Variants in SNTB1 observed in about 807,000 individuals in gnomAD.
SNTB1 encodes syntrophin beta 1.
SNTB1 carries 36 observed loss-of-function variants against 48.9 expected under a neutral mutation model. The observed-to-expected ratio is 0.74, with a 90% CI of 0.56 to 0.97. The LOEUF is 0.97. Ranked by LOEUF, SNTB1 falls within the 50% of genes least tolerant of loss-of-function variation. The pLI is 0.00. For synonymous variants in SNTB1, 299 were observed against 294.6 expected (o/e 1.01, Z -0.15); for missense variants, 786 against 703.4 (o/e 1.12, Z -1.33).
At chr8:120,544,914 T>G (rs1815352017) in intron 5 of SNTB1, among the ~76,000 whole-genome samples, 1 of 151,510 alleles carries the variant, frequency 6.6e-6, no homozygotes, top group Non-Finnish European at 1.5e-5. Context: ...TTCAGGATAA[T>G]TACAAAAAGG....
chr8:120,546,114 C>A (rs1815376597), intron 5 of SNTB1, among the ~76,000 whole-genome samples: 1 of 152,114 alleles, frequency 6.6e-6, no homozygotes, highest in Admixed American at 6.6e-5. Context: ...AAAGAATAGG[C>A]AAGAAAGCAT....
chr8:120,592,186 T>G, intron 3 of SNTB1, among the ~76,000 whole-genome samples: 1 of 140,280 alleles, frequency 7.1e-6, no homozygotes, highest in South Asian at 2.1e-4. Context: ...TAAGCAGAAT[T>G]TTTTTTTTTC....
chr8:120,635,472 G>A (rs539824527), intron 2 of SNTB1: 3 of 152,460 alleles, frequency 2.0e-5, no homozygotes, highest in Admixed American at 2.0e-4. Flanking sequence ...TCTTTTGAAG[G>A]CCTTTTTAAA....
At chr8:120,791,687 C>T (rs189742147) in intron 1 of SNTB1, among the ~76,000 whole-genome samples, 2 of 151,848 alleles carry the variant, frequency 1.3e-5, no homozygotes, top group East Asian at 3.9e-4. Flanking sequence ...CAAATTCCAA[C>T]AAACATGAAA....
At chr8:120,735,417 C>T (rs1006787207) in intron 1 of SNTB1, among the ~76,000 whole-genome samples, 1 of 152,050 alleles carries the variant, frequency 6.6e-6, no homozygotes, top group East Asian at 1.9e-4. Context: ...ATGTTGAAGC[C>T]CTAACCCCCC....
intron 1 of SNTB1, among the ~76,000 whole-genome samples, chr8:120,699,518 T>G (rs1275058798): frequency 1.3e-5 from 2 of 152,130 alleles, no homozygotes; most frequent in Non-Finnish European, 1.5e-5. Context: ...TCCCTTTGCT[T>G]TCCACCATGA....
chr8:120,570,092 C>T (rs1409591771), intron 4 of SNTB1, among the ~76,000 whole-genome samples: 1 of 152,160 alleles, frequency 6.6e-6, no homozygotes, highest in Non-Finnish European at 1.5e-5. Context: ...TTCTCAGTCT[C>T]CTCATCTTAC....
At chr8:120,583,471 C>T (rs1244256581) in intron 3 of SNTB1, among the ~76,000 whole-genome samples, 1 of 151,062 alleles carries the variant, frequency 6.6e-6, no homozygotes, top group Non-Finnish European at 1.5e-5. Context: ...AAAATCGAGA[C>T]ACTTCACTCC....
intron 1 of SNTB1, among the ~76,000 whole-genome samples, chr8:120,779,493 C>T (rs888840282): frequency 1.3e-5 from 2 of 151,822 alleles, no homozygotes; most frequent in African/African-American, 4.9e-5. Flanking sequence ...CAGAGTGAGA[C>T]TCTGTCTCAA....
At chr8:120,774,698 A>C (rs1054023082) in intron 1 of SNTB1, among the ~76,000 whole-genome samples, 1 of 152,168 alleles carries the variant, frequency 6.6e-6, no homozygotes, top group Non-Finnish European at 1.5e-5. Flanking sequence ...TCTGTCACCC[A>C]GGCTGGAGTA....
chr8:120,804,724 C>G (rs573858860), intron 1 of SNTB1, among the ~76,000 whole-genome samples: 1 of 152,164 alleles, frequency 6.6e-6, no homozygotes, highest in African/African-American at 2.4e-5. Context: ...ATACGCCCCC[C>G]CAAGGCATGG....
intron 2 of SNTB1, among the ~76,000 whole-genome samples, chr8:120,677,477 G>T (rs1324152604): frequency 6.6e-6 from 1 of 152,150 alleles, no homozygotes; most frequent in Non-Finnish European, 1.5e-5. Context: ...TGTGGTTTTC[G>T]TTTACCCAAA....
intron 1 of SNTB1, among the ~76,000 whole-genome samples, chr8:120,717,930 AC>A (rs2129938559): frequency 1.3e-5 from 2 of 152,370 alleles, no homozygotes; most frequent in South Asian, 4.1e-4. Flanking sequence ...GAAAAGAGGT[AC>A]TAGATGTGTC....
At chr8:120,713,584 G>T (rs1218692880) in intron 1 of SNTB1, among the ~76,000 whole-genome samples, 1 of 152,252 alleles carries the variant, frequency 6.6e-6, no homozygotes, top group East Asian at 1.9e-4. Context: ...ACAAAAATTA[G>T]CTGGGCACAG....
At chr8:120,578,878 C>T (rs1288407309) in intron 3 of SNTB1, among the ~76,000 whole-genome samples, 1 of 152,126 alleles carries the variant, frequency 6.6e-6, no homozygotes, top group Non-Finnish European at 1.5e-5. Flanking sequence ...AGTCCTAGAA[C>T]AATATGTAAA....
chr8:120,592,282 A>G (rs1211349113), intron 3 of SNTB1, among the ~76,000 whole-genome samples: 1 of 152,098 alleles, frequency 6.6e-6, no homozygotes, highest in Non-Finnish European at 1.5e-5. Context: ...CTTGGGGTCA[A>G]GGGATCCTCC....
chr8:120,798,803 G>A (rs1054780218), intron 1 of SNTB1, among the ~76,000 whole-genome samples: 3 of 152,006 alleles, frequency 2.0e-5, no homozygotes, highest in African/African-American at 7.2e-5. Flanking sequence ...AATGTGTCTA[G>A]GGCTGCGTGC....
Position 120,538,663 on chromosome 8 carries a change from T to C in SNTB1, c.*214A>G, listed in dbSNP as rs1421709696. 3 of 626,868 alleles carry C rather than the reference T, an allele frequency of 4.8e-6. No homozygotes were observed. Among genetic ancestry groups the C allele is most frequent in the Non-Finnish European group, 8.9e-6 (3 of 335,406 alleles). 38.8% of individuals were successfully genotyped at this position (626,868 alleles called of 1,614,324 possible). On this transcript the variant is annotated 3_prime_UTR_variant, in exon 7 of 7. Transcript: ENST00000517992. ...AACCTTGTACTGTTCTAGAAAGTTT[T>C]ACTCTGATATTTCTCATGGTACTTT...
chr8:120,652,529 T>C (rs1817426267), intron 2 of SNTB1, among the ~76,000 whole-genome samples: 1 of 152,142 alleles, frequency 6.6e-6, no homozygotes, highest in African/African-American at 2.4e-5. Flanking sequence ...CATTCCTTTT[T>C]TTTTTTTCTT....
Sources: gnomAD v4.1 joint callset for allele counts (sites outside exome capture counted in the v4.1 genomes callset) on GRCh38, gnomAD v4.1.1 for gene constraint, MANE v1.5 for transcripts, NCBI Gene and HGNC (gene_info 2026-07-23, HGNC 2026-07-21) for gene names.